GZMM: variants seen among roughly 807,000 people sequenced by gnomAD.
The protein encoded by GZMM is granzyme M.
In GZMM, 23 loss-of-function variants were observed where a neutral mutation model predicts 19.2. That is an observed-to-expected ratio of 1.20 (90% CI 0.86 to 1.69). The LOEUF (loss-of-function observed/expected upper bound fraction) is 1.69, where lower values mean the gene tolerates loss of function less well. Among genes scored for constraint, GZMM ranks in the 40% most tolerant of loss-of-function variants. The pLI is 0.00. For missense variants in GZMM, 373 were observed against 352.2 expected (o/e 1.06, Z -0.47); for synonymous variants, 178 against 160.2 (o/e 1.11, Z -0.84).
At chr19:544,312 G>A (rs535983639) in intron 1 of GZMM, among the ~76,000 whole-genome samples, 186 bp downstream of exon 1, 9 of 152,298 alleles carry the variant, frequency 5.9e-5, no homozygotes, top group Admixed American at 1.3e-4. Context: ...TGGACATCCC[G>A]GGACCGTGGG....
rs552477518 is a variant in GZMM, at chr19:548,591, G to A, written c.262G>A (p.Gly88Ser). 2.2e-5 allele frequency: 36 copies of A among 1,613,216 alleles called. No individual in the cohort carries two copies. Among genetic ancestry groups the A allele is most frequent in the African/African-American group, 2.0e-4 (15 of 74,836 alleles). ...GGGGCTCCACACCCTGGACAGCCCCGGTCTCACCTTCCACATCAAGGCAGC... is the reference window on the plus strand; with the variant it reads ...GGGGCTCCACACCCTGGACAGCCCCAGTCTCACCTTCCACATCAAGGCAGC... Reference protein sequence around the residue: ...VLGLHTLDSPGLTFHIKAAIQ... With the variant: ...VLGLHTLDSPSLTFHIKAAIQ... Residue 88 changes from glycine to serine, a missense_variant, in exon 3 of 5, where the codon GGT becomes AGT. Coordinates refer to ENST00000264553, the MANE Select transcript of GZMM (RefSeq NM_005317.4).
chr19:548,690 G>T lies in GZMM; in HGVS notation c.348+13G>T. 1 of 1,611,408 alleles carries T rather than the reference G, an allele frequency of 6.2e-7. No homozygotes were observed. Among genetic ancestry groups the T allele is most frequent in the Non-Finnish European group, 8.5e-7 (1 of 1,179,228 alleles). On this transcript the variant is annotated intron_variant, in intron 3 of 4. Transcript: ENST00000264553. ...CGCGCTGCTTCAGGTGTGCAGGGAC[G>T]GGACAGGGAGAACTGGGCACCCTCC...
In GZMM at chr19:549,849, GTGCAGT is replaced by G; in HGVS notation, c.*59_*64del. 3 of 982,472 alleles carry G rather than the reference GTGCAGT, an allele frequency of 3.1e-6. No homozygotes were observed. Among genetic ancestry groups the G allele is most frequent in the Non-Finnish European group, 4.5e-6 (3 of 661,600 alleles). The allele number at this position is 982,472 out of a possible 1,614,324, so 60.9% of individuals were successfully genotyped here. On this transcript the variant is annotated 3_prime_UTR_variant, in exon 5 of 5. Coordinates refer to ENST00000264553, the MANE Select transcript of GZMM (RefSeq NM_005317.4). ...TCCACAGGACCCTTCCCCTCCAGGG[GTGCAGT>G]GGGGTGGGTGAGGACGGGTGGGAGG...
intron 1 of GZMM, among the ~76,000 whole-genome samples, chr19:546,245 G>A (rs1980276337): frequency 6.6e-6 from 1 of 152,004 alleles, no homozygotes; most frequent in Non-Finnish European, 1.5e-5. Context: ...CTTATTTAAA[G>A]ACTACATTTC....
At chr19:544,665 C>T (rs1377118657) in intron 1 of GZMM, among the ~76,000 whole-genome samples, 1 of 151,866 alleles carries the variant, frequency 6.6e-6, no homozygotes, top group East Asian at 1.9e-4. Context: ...TCATCATCAT[C>T]CTTCCTCCCA....
At chr19:549,222 T>C in intron 4 of GZMM, 37 bp downstream of exon 4, 2 of 1,528,970 alleles carry the variant, frequency 1.3e-6, no homozygotes, top group Non-Finnish European at 1.8e-6. Context: ...GGAATGAGGC[T>C]GGCGGGAGGG....
intron 1 of GZMM, among the ~76,000 whole-genome samples, chr19:545,260 T>G (rs894028535): frequency 1.3e-5 from 2 of 152,098 alleles, no homozygotes; most frequent in Admixed American, 6.6e-5. Context: ...TGGGGGGCCG[T>G]TGCAGGAGAC....
At chr19:545,213 T>C (rs1434338931) in intron 1 of GZMM, among the ~76,000 whole-genome samples, 1 of 151,412 alleles carries the variant, frequency 6.6e-6, no homozygotes, top group Non-Finnish European at 1.5e-5. Context: ...CATGAGACTG[T>C]GCAGAGCGGA....
At position 547,412 on chromosome 19, in the gene GZMM, C is replaced by A; in HGVS notation, c.188C>A (p.Thr63Lys). The change falls in exon 2 of 5, where the codon ACG (threonine) becomes AAG (lysine). Residue 63 changes from threonine to lysine, a missense_variant. Transcript: ENST00000264553. ...GVLVHPKWVLTAAHCLAQRMA... is the reference protein window; with the variant it reads ...GVLVHPKWVLKAAHCLAQRMA... The stretch of plus-strand genomic sequence containing the variant: ...CTGGTGCACCCAAAGTGGGTGCTGA[C>A]GGCTGCCCACTGCCTGGCCCAGCGG... The A allele has an allele frequency of 1.3e-6, 2 of 1,488,192 alleles. No individual in the cohort carries two copies. Among genetic ancestry groups the A allele is most frequent in the Non-Finnish European group, 1.8e-6 (2 of 1,117,556 alleles). 92.2% of individuals were successfully genotyped at this position (1,488,192 alleles called of 1,614,324 possible). A position where few individuals can be genotyped will look rare whatever the true frequency, so the allele number is the denominator to read the frequency against.
At position 549,841 on chromosome 19, in the gene GZMM, C is replaced by G. The variant is rs1312664805; in HGVS notation, c.*50C>G. On this transcript the variant is annotated 3_prime_UTR_variant, in exon 5 of 5. Transcript: ENST00000264553. ...TCGCTGTCTCCACAGGACCCTTCCC[C>G]TCCAGGGGTGCAGTGGGGTGGGTGA... The G allele has an allele frequency of 2.2e-6, 3 of 1,382,568 alleles. No individual in the cohort carries two copies. Among genetic ancestry groups the G allele is most frequent in the Non-Finnish European group, 3.0e-6 (3 of 992,648 alleles). 85.6% of individuals were successfully genotyped at this position (1,382,568 alleles called of 1,614,324 possible). A position where few individuals can be genotyped will look rare whatever the true frequency, so the allele number is the denominator to read the frequency against.
chr19:547,448 G>T lies in GZMM; in HGVS notation c.212+12G>T, dbSNP rs780211377. 2 of 1,394,202 alleles carry T rather than the reference G, an allele frequency of 1.4e-6. No individual in the cohort carries two copies. The highest frequency in any genetic ancestry group is 2.7e-5 in the East Asian group (1 of 36,364). 86.4% of individuals were successfully genotyped at this position (1,394,202 alleles called of 1,614,324 possible). On this transcript the variant is annotated intron_variant, in intron 2 of 4. Transcript: ENST00000264553. Reference sequence around the variant, plus strand: ...TGCCTGGCCCAGCGGTGAGTACCCTGCCCTGCCCACCCCAGGGGTCCGGGG... The same window carrying T: ...TGCCTGGCCCAGCGGTGAGTACCCTTCCCTGCCCACCCCAGGGGTCCGGGG...
In GZMM at chr19:544,104, GGCCCTGGGGGCCCTGTCA is replaced by G. The variant is rs763939483; in HGVS notation, c.35_52del (p.Ala12_Ser17del). 1.8e-3 allele frequency: 2,807 copies of G among 1,550,722 alleles called. 7 individuals are homozygous for G. The highest frequency in any genetic ancestry group is 4.6e-3 in the Middle Eastern group (24 of 5,178). ...CCTGCGTGTCTTCACTGCTGGTGCT[GGCCCTGGGGGCCCTGTCA>G]GTAGGTGAGTGGGAGCCGGGATGCA... On this transcript the variant is annotated inframe_deletion, in exon 1 of 5. Transcript: ENST00000264553.
At position 548,642 on chromosome 19, in the gene GZMM, G is replaced by A. The variant is rs759610752; in HGVS notation, c.313G>A (p.Val105Ile). 9.9e-6 allele frequency: 16 copies of A among 1,613,370 alleles called. No homozygotes were observed. The highest frequency in any genetic ancestry group is 2.7e-5 in the African/African-American group (2 of 74,826). The change falls in exon 3 of 5, where the codon GTC becomes ATC. Residue 105 changes from valine (V) to isoleucine (I), a missense_variant. Transcript: ENST00000264553. Reference protein sequence around the residue: ...AAIQHPRYKPVPALENDLALL... With the variant: ...AAIQHPRYKPIPALENDLALL... The stretch of plus-strand genomic sequence containing the variant: ...CATCCAGCACCCTCGCTACAAGCCC[G>A]TCCCTGCCCTGGAGAACGACCTCGC...
chr19:549,234 C>A, intron 4 of GZMM, 49 bp downstream of exon 4: 1 of 1,510,210 alleles, frequency 6.6e-7, no homozygotes, highest in Non-Finnish European at 8.9e-7. Context: ...GCGGGAGGGC[C>A]GGGGCCAGGG....
At position 548,558 on chromosome 19, in the gene GZMM, C is replaced by G; in HGVS notation, c.229C>G (p.Leu77Val). 1 of 1,613,354 alleles carries G rather than the reference C, an allele frequency of 6.2e-7. No homozygotes were observed. The highest frequency in any genetic ancestry group is 8.5e-7 in the Non-Finnish European group (1 of 1,179,682). Residue 77 changes from leucine to valine, a missense_variant, in exon 3 of 5, where the codon CTG becomes GTG. By Grantham distance (32) the Leu-to-Val change is conservative. Transcript: ENST00000264553. The part of the protein sequence containing the change: ...CLAQRMAQLR[L>V]VLGLHTLDSP... ...TGTCCCCAGGATGGCCCAGCTGAGG[C>G]TGGTGCTGGGGCTCCACACCCTGGA...
At chr19:545,417 G>A (rs1054323548) in intron 1 of GZMM, among the ~76,000 whole-genome samples, 10 of 152,276 alleles carry the variant, frequency 6.6e-5, no homozygotes, top group South Asian at 2.1e-4. Context: ...GTGCCATCTC[G>A]GCTCACTGCA....
chr19:545,950 C>T (rs12976921), intron 1 of GZMM, among the ~76,000 whole-genome samples: 85,038 of 150,848 alleles, frequency 0.56, 27,208 homozygotes, highest in Non-Finnish European at 0.72. Flanking sequence ...GCCTTAATTT[C>T]TGTATTTTTA....
At position 546,540 on chromosome 19, in the gene GZMM, C is replaced by CAAAA. The variant is rs35147201; in HGVS notation, c.56-727_56-724dup. ...TGGGTAACAGAGTGAGACTCCATCTCAAAAAAAAAAAAAAAATGGCCAGGT... is the reference window on the plus strand; with the variant it reads ...TGGGTAACAGAGTGAGACTCCATCTCAAAAAAAAAAAAAAAAAAAATGGCCAGGT... On this transcript the variant is annotated intron_variant, in intron 1 of 4. Transcript: ENST00000264553. Among the ~76,000 whole-genome samples, 302 of 106,672 alleles carry CAAAA rather than the reference C, an allele frequency of 2.8e-3. 14 individuals carry two copies. The highest frequency in any genetic ancestry group is 3.9e-3 in the Non-Finnish European group (212 of 54,150). 70.0% of individuals were successfully genotyped at this position (106,672 alleles called of 152,430 possible). A position where few individuals can be genotyped will look rare whatever the true frequency, so the allele number is the denominator to read the frequency against.
rs370469761 is a variant in GZMM, at chr19:544,133, G to A, written c.55+7G>A. 20 of 1,551,110 alleles carry A rather than the reference G, an allele frequency of 1.3e-5. No individual in the cohort carries two copies. Among genetic ancestry groups the A allele is most frequent in the Non-Finnish European group, 1.7e-5 (19 of 1,147,564 alleles). On this transcript the variant is annotated splice_region_variant and intron_variant, in intron 1 of 4. Coordinates refer to ENST00000264553, the MANE Select transcript of GZMM (RefSeq NM_005317.4). ...CTGGGGGCCCTGTCAGTAGGTGAGT[G>A]GGAGCCGGGATGCAGGGGGGACACT...
Sources: gnomAD v4.1 joint callset for allele counts (sites outside exome capture counted in the v4.1 genomes callset) on GRCh38, gnomAD v4.1.1 for gene constraint, MANE v1.5 for transcripts, NCBI Gene and HGNC (gene_info 2026-07-23, HGNC 2026-07-21) for gene names.